Variants in VWF observed in about 807,000 individuals in gnomAD.
VWF encodes the protein Factor VIII related antigen.
VWF carries 176 observed loss-of-function variants against 308.6 expected under a neutral mutation model. The ratio of observed to expected loss-of-function variants is 0.57; its 90% CI spans 0.50 to 0.65. The LOEUF is 0.65. Among genes scored for constraint, VWF ranks in the 30% least tolerant of loss-of-function variants. The pLI, the probability that VWF is intolerant of heterozygous loss-of-function variation, is 0.00. For missense variants in VWF, 3,146 were observed against 3,648.2 expected (o/e 0.86, Z 3.55); for synonymous variants, 1,385 against 1,443.4 (o/e 0.96, Z 0.92).
intron 5 of VWF, among the ~76,000 whole-genome samples, chr12:6,098,746 T>G (rs1488250924): frequency 6.6e-6 from 1 of 151,276 alleles, no homozygotes; most frequent in Non-Finnish European, 1.5e-5. Context: ...ACCACTGCAC[T>G]CCAGCATGGG....
Position 5,948,982 on chromosome 12 carries a change from G to A in VWF, c.*33C>T, listed in dbSNP as rs1185152044. The A allele has an allele frequency of 2.5e-6, 4 of 1,599,602 alleles. No homozygotes were observed. Among genetic ancestry groups the A allele is most frequent in the Non-Finnish European group, 2.6e-6 (3 of 1,173,542 alleles). On this transcript the variant is annotated 3_prime_UTR_variant, in exon 52 of 52. Transcript: ENST00000261405. This position sits in a 1 kb window ranked among gnomAD's most constrained non-coding sequence, Gnocchi z 4.4. ...TGGCCTGGCCATCAGGCCAAGGCAG[G>A]CAGCAGCAGGCACCCATGCAGCTGC...
chr12:5,991,696 A>C, intron 38 of VWF, 123 bp downstream of exon 38: 1 of 1,033,422 alleles, frequency 9.7e-7, no homozygotes. Flanking sequence ...CCTATCCCTA[A>C]TGATCCCCGT....
chr12:5,965,796 G>A (rs142882789), intron 47 of VWF, among the ~76,000 whole-genome samples: 331 of 152,336 alleles, frequency 2.2e-3, no homozygotes, highest in Admixed American at 5.5e-3. Flanking sequence ...AGGACGCTGA[G>A]CTAGAACGGG....
chr12:6,027,865 CA>C (rs1408853674), intron 22 of VWF, among the ~76,000 whole-genome samples: 2 of 151,802 alleles, frequency 1.3e-5, no homozygotes, highest in African/African-American at 2.4e-5. Flanking sequence ...CACACACACA[CA>C]CACACACACA....
chr12:5,964,130 T>C (rs539435128), intron 47 of VWF, among the ~76,000 whole-genome samples: 27 of 151,902 alleles, frequency 1.8e-4, no homozygotes, highest in African/African-American at 6.5e-4. Context: ...GGCAGGAGAA[T>C]GGCGTGAACC....
intron 3 of VWF, 120 bp downstream of exon 3, chr12:6,121,054 G>C: frequency 7.2e-7 from 1 of 1,381,844 alleles, no homozygotes. Flanking sequence ...TCCTCTCCTT[G>C]TTCTCAGCAG....
intron 6 of VWF, among the ~76,000 whole-genome samples, chr12:6,087,133 C>T (rs541055568): frequency 1.7e-4 from 26 of 152,240 alleles, no homozygotes; most frequent in African/African-American, 5.8e-4. Flanking sequence ...CAGTGACTGA[C>T]AGGACTGCAA....
At chr12:6,028,073 A>T (rs1177528388) in intron 22 of VWF, among the ~76,000 whole-genome samples, 1 of 152,140 alleles carries the variant, frequency 6.6e-6, no homozygotes, top group Non-Finnish European at 1.5e-5. Flanking sequence ...CTGAAAATGG[A>T]TGGTGTTATC....
intron 5 of VWF, among the ~76,000 whole-genome samples, chr12:6,100,219 A>G (rs2136506436): frequency 1.3e-5 from 2 of 151,502 alleles, no homozygotes; most frequent in East Asian, 3.9e-4. Flanking sequence ...TTAGAATGGC[A>G]ATCATTAAAA....
intron 40 of VWF, among the ~76,000 whole-genome samples, chr12:5,983,513 T>A (rs1943634511): frequency 7.7e-6 from 1 of 130,252 alleles, no homozygotes. Context: ...GATAGATAAC[T>A]AGGTACATTA....
At chr12:6,121,673 A>G (rs938538518) in intron 2 of VWF, among the ~76,000 whole-genome samples, 2 of 152,176 alleles carry the variant, frequency 1.3e-5, no homozygotes, top group South Asian at 2.1e-4. Context: ...GCTCACGCCT[A>G]TAATCCCAGC....
chr12:6,104,845 G>C (rs6489691), intron 5 of VWF, among the ~76,000 whole-genome samples: 35,562 of 152,188 alleles, frequency 0.23, 11,061 homozygotes, highest in African/African-American at 0.72. Flanking sequence ...GACATGGTAT[G>C]AACCTAAATG....
intron 14 of VWF, 143 bp downstream of exon 14, chr12:6,057,706 G>T: frequency 1.0e-6 from 1 of 972,380 alleles, no homozygotes; most frequent in Non-Finnish European, 1.5e-6. Flanking sequence ...ATCAAGTGCT[G>T]ACGGTAAAAA....
chr12:5,983,283 C>T, intron 40 of VWF, 29 bp from the exon 41 acceptor site: 7 of 1,606,388 alleles, frequency 4.4e-6, no homozygotes, highest in Non-Finnish European at 6.0e-6. Flanking sequence ...GACGTCCATG[C>T]AGAGTTCAGA....
chr12:6,044,912 C>T (rs935981485), intron 17 of VWF, among the ~76,000 whole-genome samples: 1 of 152,102 alleles, frequency 6.6e-6, no homozygotes, highest in South Asian at 2.1e-4. Context: ...TCTCTGCTCG[C>T]GTCAGCCCCT....
intron 50 of VWF, 136 bp from the exon 51 acceptor site, chr12:5,950,019 T>C: frequency 6.6e-6 from 5 of 758,064 alleles, no homozygotes; most frequent in East Asian, 5.2e-5. Flanking sequence ...AGGGAGGGAA[T>C]TCAGTTATCC....
intron 50 of VWF, among the ~76,000 whole-genome samples, chr12:5,950,449 G>T (rs1233526430): frequency 1.3e-5 from 2 of 151,946 alleles, no homozygotes; most frequent in East Asian, 3.9e-4. Context: ...TTCACACAGG[G>T]GTTAGTGGCA....
chr12:6,092,461 G>A (rs1162963576), intron 6 of VWF, among the ~76,000 whole-genome samples: 1 of 151,850 alleles, frequency 6.6e-6, no homozygotes, highest in East Asian at 1.9e-4. Flanking sequence ...TCCCACCTCA[G>A]CCCTCCCATT....
chr12:6,071,163 T>A, intron 10 of VWF, 134 bp downstream of exon 10: 1 of 992,300 alleles, frequency 1.0e-6, no homozygotes, highest in Non-Finnish European at 1.6e-6. Context: ...TGGGGTCACG[T>A]GGTTGCAGCC....
Sources: allele counts gnomAD v4.1 joint callset (sites outside exome capture counted in the v4.1 genomes callset), GRCh38; gene constraint gnomAD v4.1.1; non-coding constraint Gnocchi (gnomAD v3.1); transcripts MANE v1.5; gene names NCBI Gene and HGNC (gene_info 2026-07-23, HGNC 2026-07-21).